The following NCKAP1 variants were observed in gnomAD, a reference collection of about 807,000 sequenced individuals.
The protein encoded by NCKAP1 is NCK associated protein 1.
A neutral mutation model predicts 151.2 loss-of-function variants in NCKAP1; 21 were observed. The ratio of observed to expected loss-of-function variants is 0.14; its 90% CI spans 0.10 to 0.20. The LOEUF is 0.20. Ranked by LOEUF, NCKAP1 falls within the 10% of genes least tolerant of loss-of-function variation. The pLI, the probability that NCKAP1 is intolerant of heterozygous loss-of-function variation, is 1.00. For synonymous variants in NCKAP1, 484 were observed against 451.8 expected (o/e 1.07, Z -0.90); for missense variants, 933 against 1,352.1 (o/e 0.69, Z 4.86).
chr2:183,037,970 G>T, intron 1 of NCKAP1, 22 bp downstream of exon 1: 3 of 1,555,930 alleles, frequency 1.9e-6, no homozygotes, highest in Non-Finnish European at 1.7e-6. Flanking sequence ...CCTCCGCCGC[G>T]GCCTCCCCGG....
At position 183,038,336 on chromosome 2, in the gene NCKAP1, C is replaced by G. The variant is rs1022311886; in HGVS notation, c.-237G>C. The G allele has an allele frequency of 5.1e-5, 16 of 315,142 alleles. No individual in the cohort carries two copies. The highest frequency in any genetic ancestry group is 8.9e-4 in the Middle Eastern group (1 of 1,124). 19.5% of individuals were successfully genotyped at this position (315,142 alleles called of 1,614,324 possible). On this transcript the variant is annotated 5_prime_UTR_variant, in exon 1 of 31. Coordinates refer to ENST00000361354, the MANE Select transcript of NCKAP1 (RefSeq NM_013436.5). ...GCCCCGGCAGCCTCCTGCCTTCCGC[C>G]CGCCGCCCTTCCGCCCCCACCCCCG... is the stretch of plus-strand genomic sequence containing the variant.
At chr2:182,986,724 T>C (rs1438329498) in intron 9 of NCKAP1, among the ~76,000 whole-genome samples, 2 of 152,190 alleles carry the variant, frequency 1.3e-5, no homozygotes, top group East Asian at 3.9e-4. Flanking sequence ...AGAAAAGCAT[T>C]TGCCGACTTC....
At chr2:183,011,020 A>G (rs2105883898) in intron 2 of NCKAP1, among the ~76,000 whole-genome samples, 1 of 152,322 alleles carries the variant, frequency 6.6e-6, no homozygotes, top group South Asian at 2.1e-4. Context: ...TTATGTCAAG[A>G]TGGCCTCAGA....
chr2:182,962,112 G>A (rs368993440), intron 18 of NCKAP1, 47 bp downstream of exon 18: 3 of 1,544,910 alleles, frequency 1.9e-6, no homozygotes, highest in Non-Finnish European at 2.6e-6. Context: ...ACATTTTCTT[G>A]CCTTCACACA....
chr2:182,968,257 T>C (rs1468042251), intron 15 of NCKAP1, among the ~76,000 whole-genome samples: 1 of 152,198 alleles, frequency 6.6e-6, no homozygotes, highest in African/African-American at 2.4e-5. Context: ...AGAAATCTAT[T>C]AGAAGGCAGT....
In NCKAP1 at chr2:182,956,533, G is replaced by A. The variant is rs1697331214; in HGVS notation, c.2082C>T (p.Asn694=). 1 of 1,610,328 alleles carries A rather than the reference G, an allele frequency of 6.2e-7. No homozygotes were observed. The highest frequency in any genetic ancestry group is 1.3e-5 in the African/African-American group (1 of 74,826). Residue 694 remains asparagine (N), a synonymous_variant, in exon 20 of 31, where the codon AAC becomes AAT. Transcript: ENST00000361354. Reference sequence around the variant, plus strand: ...TAAAGGTATGTTCCCATACCACCATGTTTGGTACATAATTTATAGAGAAGC... The same window carrying A: ...TAAAGGTATGTTCCCATACCACCATATTTGGTACATAATTTATAGAGAAGC... ...ELCFSINYVP[N]MVVWEHTFTP...
intron 23 of NCKAP1, among the ~76,000 whole-genome samples, chr2:182,951,562 C>T (rs576535730): frequency 1.5e-5 from 2 of 134,084 alleles, no homozygotes; most frequent in South Asian, 2.6e-4. Context: ...CCAGCTACTT[C>T]GGAGGTGGAA....
At chr2:182,984,451 T>TGTGTGTGTGTGTGTGTG (rs1188952902) in intron 10 of NCKAP1, among the ~76,000 whole-genome samples, 23 of 144,286 alleles carry the variant, frequency 1.6e-4, no homozygotes, top group Non-Finnish European at 2.7e-4. Context: ...TGTGTGTGTG[T>TGTGTGTGTGTGTGTGTG]TGCCTATGCC....
chr2:182,930,879 C>A, intron 26 of NCKAP1, 91 bp from the exon 27 acceptor site: 2 of 1,130,440 alleles, frequency 1.8e-6, no homozygotes, highest in South Asian at 1.4e-5. Flanking sequence ...TAGAAGAACA[C>A]CAGAGAATTT....
Position 182,914,987 on chromosome 2 carries a change from T to C in NCKAP1, c.*10715A>G, listed in dbSNP as rs1696444972. 2 of 152,212 alleles carry C rather than the reference T, an allele frequency of 1.3e-5. No individual in the cohort carries two copies. The highest frequency in any genetic ancestry group is 4.1e-4 in the South Asian group (2 of 4,836). The allele number at this position is 152,212 out of a possible 1,614,324, so 9.4% of individuals were successfully genotyped here. A position where few individuals can be genotyped will look rare whatever the true frequency, so the allele number is the denominator to read the frequency against. The stretch of plus-strand genomic sequence containing the variant: ...ATCATTTAAGCTGGGAATGCAGCCA[T>C]ACCGGGTGTCAGAGCATGTTGTGAG... On this transcript the variant is annotated 3_prime_UTR_variant, in exon 31 of 31. Transcript: ENST00000361354.
chr2:182,968,586 G>T (rs1005019268), intron 15 of NCKAP1, among the ~76,000 whole-genome samples: 5 of 152,078 alleles, frequency 3.3e-5, no homozygotes, highest in African/African-American at 1.2e-4. Flanking sequence ...AAAATAGAGG[G>T]TTCCTCAAAT....
At chr2:183,011,009 T>C (rs1559105492) in intron 2 of NCKAP1, among the ~76,000 whole-genome samples, 1 of 152,236 alleles carries the variant, frequency 6.6e-6, no homozygotes, top group African/African-American at 2.4e-5. Context: ...TACAGATTTA[T>C]TTATGTCAAG....
At chr2:182,986,268 C>T in intron 9 of NCKAP1, 41 bp from the exon 10 acceptor site, 1 of 1,471,396 alleles carries the variant, frequency 6.8e-7, no homozygotes, top group Non-Finnish European at 9.5e-7. Flanking sequence ...TTAATTTGAT[C>T]AATAACTGTC....
chr2:183,028,348 A>C (rs1698939065), intron 1 of NCKAP1, among the ~76,000 whole-genome samples: 1 of 152,080 alleles, frequency 6.6e-6, no homozygotes, highest in Non-Finnish European at 1.5e-5. Flanking sequence ...AAATACTATA[A>C]TTTCAAATTT....
rs999821790 is a variant in NCKAP1 at position 182,994,638 on chromosome 2, C to CA, written c.790+200dup. Among the ~76,000 whole-genome samples the CA allele has an allele frequency of 6.2e-4, 83 of 133,130 alleles. 1 individual carries two copies. The highest frequency in any genetic ancestry group is 3.9e-3 in the Admixed American group (50 of 12,810). The allele number at this position is 133,130 out of a possible 152,430, so 87.3% of individuals were successfully genotyped here. ...TGGATGACAGAGCAAGACCTCATCT[C>CA]AAAAAAAAAAGAAAAAAAAGAAAAA... On this transcript the variant is annotated intron_variant, in intron 8 of 30. Coordinates refer to ENST00000361354, the MANE Select transcript of NCKAP1 (RefSeq NM_013436.5).
chr2:183,033,324 A>G (rs147135677), intron 1 of NCKAP1, among the ~76,000 whole-genome samples: 1 of 152,354 alleles, frequency 6.6e-6, no homozygotes, highest in African/African-American at 2.4e-5. Flanking sequence ...GCAATCTGAA[A>G]TAGTAACTAG....
intron 1 of NCKAP1, among the ~76,000 whole-genome samples, chr2:183,036,903 T>C (rs1699113024): frequency 6.6e-6 from 1 of 151,850 alleles, no homozygotes; most frequent in Non-Finnish European, 1.5e-5. Flanking sequence ...ATTCACGATA[T>C]ATTAAAAAGC....
rs1281924425 is a variant in NCKAP1 at position 182,911,652 on chromosome 2, T to A, written c.*14050A>T. ...AAAGTTATCAGTTAGGTTTGCTATA[T>A]CCTTTTTTTTCTCCCAAGCTGTTTG... On this transcript the variant is annotated 3_prime_UTR_variant, in exon 31 of 31. Coordinates refer to ENST00000361354, the MANE Select transcript of NCKAP1 (RefSeq NM_013436.5). 6.6e-6 allele frequency: 1 copy of A among 152,170 alleles called. No homozygotes were observed. Among genetic ancestry groups the A allele is most frequent in the East Asian group, 1.9e-4 (1 of 5,188 alleles). 9.4% of individuals were successfully genotyped at this position (152,170 alleles called of 1,614,324 possible).
At chr2:183,002,443 T>C (rs1421216990) in intron 4 of NCKAP1, among the ~76,000 whole-genome samples, 174 bp from the exon 5 acceptor site, 1 of 152,112 alleles carries the variant, frequency 6.6e-6, no homozygotes, top group African/African-American at 2.4e-5. Flanking sequence ...CAGTTACAGA[T>C]AACAGTTTTG....
Sources: gnomAD v4.1 joint callset for allele counts (sites outside exome capture counted in the v4.1 genomes callset) on GRCh38, gnomAD v4.1.1 for gene constraint, MANE v1.5 for transcripts, NCBI Gene and HGNC (gene_info 2026-07-23, HGNC 2026-07-21) for gene names.